The following ETV1 variants were observed in gnomAD, a reference collection of about 807,000 sequenced individuals.
ETV1 encodes ETS translocation variant 1.
In ETV1, 27 loss-of-function variants were observed where a neutral mutation model predicts 62.3. The ratio of observed to expected loss-of-function variants is 0.43; its 90% CI spans 0.32 to 0.60. The LOEUF (loss-of-function observed/expected upper bound fraction) is 0.60, where lower values mean the gene tolerates loss of function less well. Ranked by LOEUF, ETV1 falls within the 20% of genes least tolerant of loss-of-function variation. The pLI is 0.06. For missense variants in ETV1, 605 were observed against 605.8 expected (o/e 1.00, Z 0.01); for synonymous variants, 222 against 199.6 (o/e 1.11, Z -0.94).
rs529002807 is a variant in ETV1 at position 13,893,370 on chromosome 7, T to A, written c.*2496A>T. 1.7e-5 allele frequency: 4 copies of A among 231,310 alleles called. No individual in the cohort carries two copies. Among genetic ancestry groups the A allele is most frequent in the Admixed American group, 5.6e-5 (1 of 17,732 alleles). The allele number at this position is 231,310 out of a possible 1,614,324, so 14.3% of individuals were successfully genotyped here. A position where few individuals can be genotyped will look rare whatever the true frequency, so the allele number is the denominator to read the frequency against. Reference sequence around the variant, plus strand: ...AAAACAGAACTTAAAAAATTTTAGATACATTTTTCAAAAGAGTTTATAATG... The same window carrying A: ...AAAACAGAACTTAAAAAATTTTAGAAACATTTTTCAAAAGAGTTTATAATG... On this transcript the variant is annotated 3_prime_UTR_variant, in exon 14 of 14. Transcript: ENST00000430479.
chr7:13,975,562 C>CAAAAAAAAAAAAAAAAAAAAAAA (rs765452116), intron 6 of ETV1, among the ~76,000 whole-genome samples: 1 of 41,114 alleles, frequency 2.4e-5, no homozygotes, highest in Non-Finnish European at 5.0e-5. Flanking sequence ...GACTCTGTCT[C>CAAAAAAAAAAAAAAAAAAAAAAA]AAAAAAAAAA....
intron 9 of ETV1, among the ~76,000 whole-genome samples, chr7:13,924,338 CATT>C (rs1198930819): frequency 2.6e-5 from 4 of 152,138 alleles, no homozygotes; most frequent in African/African-American, 9.7e-5. Context: ...TTTTTCTTCT[CATT>C]ATTTTTCAGT....
intron 10 of ETV1, among the ~76,000 whole-genome samples, chr7:13,910,110 T>G (rs1783409206): frequency 6.6e-6 from 1 of 152,092 alleles, no homozygotes; most frequent in South Asian, 2.1e-4. Context: ...CACATTATAT[T>G]ATTAGTCTGA....
chr7:13,952,535 A>C (rs1460332030), intron 6 of ETV1, among the ~76,000 whole-genome samples: 1 of 152,182 alleles, frequency 6.6e-6, no homozygotes, highest in East Asian at 1.9e-4. Context: ...ATTGGGTGTA[A>C]GTACTATATT....
At chr7:13,943,506 AC>A (rs1252616980) in intron 6 of ETV1, among the ~76,000 whole-genome samples, 1 of 152,220 alleles carries the variant, frequency 6.6e-6, no homozygotes, top group African/African-American at 2.4e-5. Flanking sequence ...ATCCATTAAT[AC>A]ACCCTTAGGA....
At chr7:13,984,916 G>A (rs1253230907) in intron 5 of ETV1, among the ~76,000 whole-genome samples, 5 of 28,574 alleles carry the variant, frequency 1.7e-4, no homozygotes, top group African/African-American at 8.9e-4. Context: ...CACAAAACAA[G>A]TAAGTCAAAA....
intron 9 of ETV1, among the ~76,000 whole-genome samples, chr7:13,923,761 A>G (rs1446778264): frequency 6.6e-6 from 1 of 152,120 alleles, no homozygotes; most frequent in Non-Finnish European, 1.5e-5. Flanking sequence ...GGCCAGCCAC[A>G]GTGGCTCACA....
Position 13,920,728 on chromosome 7 carries a change from T to C in ETV1, c.803-9421A>G, listed in dbSNP as rs142544479. 2.1e-3 allele frequency among the ~76,000 whole-genome samples: 316 copies of C among 152,260 alleles called. 1 individual carries two copies. Among genetic ancestry groups the C allele is most frequent in the African/African-American group, 7.3e-3 (303 of 41,554 alleles). On this transcript the variant is annotated intron_variant, in intron 9 of 13. Coordinates refer to ENST00000430479, the MANE Select transcript of ETV1 (RefSeq NM_004956.5). Reference sequence around the variant, plus strand: ...ATCAAATCACTAGAGCCAATGCCACTTACTGTAACTGTAGATTTAGAGCAT... The same window carrying C: ...ATCAAATCACTAGAGCCAATGCCACCTACTGTAACTGTAGATTTAGAGCAT...
Position 13,941,941 on chromosome 7 carries a change from G to A in ETV1, c.236-2695C>T, listed in dbSNP as rs186334854. 5.5e-3 allele frequency among the ~76,000 whole-genome samples: 832 copies of A among 151,430 alleles called. 7 individuals carry two copies. The highest frequency in any genetic ancestry group is 0.019 in the African/African-American group (795 of 41,276). Reference sequence around the variant, plus strand: ...AAATTGTCTCCCATTGTATATCTGCGTGTTGTCTGTGTGTAGGCGAGATCT... The same window carrying A: ...AAATTGTCTCCCATTGTATATCTGCATGTTGTCTGTGTGTAGGCGAGATCT... On this transcript the variant is annotated intron_variant, in intron 6 of 13. Transcript: ENST00000430479.
At chr7:13,938,086 C>G (rs1424372101) in intron 7 of ETV1, among the ~76,000 whole-genome samples, 4 of 152,168 alleles carry the variant, frequency 2.6e-5, no homozygotes, top group Non-Finnish European at 5.9e-5. Context: ...GCTGGGATTA[C>G]AGGCATGCGC....
chr7:13,981,201 C>T (rs1781947903), intron 5 of ETV1, among the ~76,000 whole-genome samples: 1 of 151,964 alleles, frequency 6.6e-6, no homozygotes, highest in South Asian at 2.1e-4. Flanking sequence ...GTAACAATGA[C>T]CTGGAGCCAA....
intron 9 of ETV1, among the ~76,000 whole-genome samples, chr7:13,927,413 C>T (rs1183710689): frequency 1.3e-5 from 2 of 152,162 alleles, no homozygotes; most frequent in Admixed American, 6.5e-5. Context: ...AATCACACCA[C>T]TGCACTCCAG....
chr7:13,990,110 A>G (rs537120123), upstream of ETV1, among the ~76,000 whole-genome samples: 6 of 152,136 alleles, frequency 3.9e-5, no homozygotes, highest in East Asian at 1.2e-3. Context: ...CAGGATCTCC[A>G]ACCTCTCTAC....
chr7:13,971,339 A>T (rs1003528209), intron 6 of ETV1, among the ~76,000 whole-genome samples: 1 of 152,236 alleles, frequency 6.6e-6, no homozygotes, highest in South Asian at 2.1e-4. Flanking sequence ...ATTTACTTAA[A>T]GTGCCATCCA....
At chr7:13,939,314 T>C in intron 6 of ETV1, 68 bp from the exon 7 acceptor site, 1 of 1,358,282 alleles carries the variant, frequency 7.4e-7, no homozygotes. Flanking sequence ...TAATGTGTTC[T>C]ACTTCTCTTG....
rs1781452643 is a variant in ETV1, at chr7:13,892,537, T to A, written c.*3329A>T. The A allele has an allele frequency of 4.3e-6, 1 of 232,884 alleles. No homozygotes were observed. Among genetic ancestry groups the A allele is most frequent in the Non-Finnish European group, 8.5e-6 (1 of 117,928 alleles). The allele number at this position is 232,884 out of a possible 1,614,324, so 14.4% of individuals were successfully genotyped here. ...ACAGTCTTCCTCCTCCGTGCGGTGT[T>A]CTGAATAACAGCCCTGCCCTCACCC... On this transcript the variant is annotated 3_prime_UTR_variant, in exon 14 of 14. Coordinates refer to ENST00000430479, the MANE Select transcript of ETV1 (RefSeq NM_004956.5).
At position 13,931,886 on chromosome 7, in the gene ETV1, G is replaced by A. The variant is rs73274897; in HGVS notation, c.555-137C>T. Reference sequence around the variant, plus strand: ...AGCGTAAATCTTTAACAAGCATTACGTTTTTCTTTCCTGGATTAGTAGCTC... The same window carrying A: ...AGCGTAAATCTTTAACAAGCATTACATTTTTCTTTCCTGGATTAGTAGCTC... On this transcript the variant is annotated intron_variant, in intron 8 of 13. Coordinates refer to ENST00000430479, the MANE Select transcript of ETV1 (RefSeq NM_004956.5). 7.6e-3 allele frequency: 7,987 copies of A among 1,054,104 alleles called. 222 individuals are homozygous for A. The African/African-American group carries it at 0.082, about 11-fold the overall frequency. 65.3% of individuals were successfully genotyped at this position (1,054,104 alleles called of 1,614,324 possible).
At chr7:13,985,455 AG>A (rs2128511972) in intron 5 of ETV1, 1 of 152,348 alleles carries the variant, frequency 6.6e-6, no homozygotes, top group Non-Finnish European at 1.5e-5. Flanking sequence ...TTGGAGAACT[AG>A]ACTATCAGCA....
chr7:13,902,244 C>T (rs1461288582), intron 12 of ETV1, among the ~76,000 whole-genome samples: 1 of 151,904 alleles, frequency 6.6e-6, no homozygotes, highest in East Asian at 1.9e-4. Flanking sequence ...TCTCTCTTTG[C>T]TTTATTAGTA....
Sources: allele counts gnomAD v4.1 joint callset (sites outside exome capture counted in the v4.1 genomes callset), GRCh38; gene constraint gnomAD v4.1.1; transcripts MANE v1.5; gene names NCBI Gene and HGNC (gene_info 2026-07-23, HGNC 2026-07-21).